The following CD33 variants were observed in gnomAD, a reference collection of about 807,000 sequenced individuals.
CD33 encodes myeloid cell surface antigen CD33.
In CD33, 25 loss-of-function variants were observed where a neutral mutation model predicts 31.4. That is an observed-to-expected ratio of 0.80 (90% CI 0.58 to 1.11). CD33 has a LOEUF of 1.11. Ranked by LOEUF, CD33 falls within the 50% of genes most tolerant of loss-of-function variation. CD33 has a pLI of 0.00. For synonymous variants in CD33, 176 were observed against 180.6 expected, an observed-to-expected ratio of 0.97 and a Z score of 0.20; for missense variants, 407 against 448.1, an observed-to-expected ratio of 0.91 and a Z score of 0.83.
upstream of CD33, among the ~76,000 whole-genome samples, chr19:51,222,059 C>A (rs1980710631): frequency 6.6e-6 from 1 of 152,174 alleles, no homozygotes; most frequent in Non-Finnish European, 1.5e-5. Flanking sequence ...TGGTTAATGA[C>A]ACTCTTCAGT....
At chr19:51,214,129 G>T in the CD33 span, among the ~76,000 whole-genome samples, 1 of 149,772 alleles carries the variant, frequency 6.7e-6, no homozygotes, top group Non-Finnish European at 1.5e-5. Flanking sequence ...CAAAGTGCTG[G>T]GATTACAGGC....
chr19:51,228,812 G>A (rs932875853), intron 4 of CD33, among the ~76,000 whole-genome samples: 1 of 152,168 alleles, frequency 6.6e-6, no homozygotes, highest in African/African-American at 2.4e-5. Flanking sequence ...GAGCCACCAC[G>A]CCTGGCCAAG....
intron 6 of CD33, chr19:51,236,148 ACT>A (rs1193265249): frequency 2.7e-6 from 1 of 368,254 alleles, no homozygotes; most frequent in Admixed American, 3.8e-5. Flanking sequence ...ACAGAGAGAG[ACT>A]CTGTCCCAAA....
chr19:51,238,067 G>A (rs1394430447), intron 6 of CD33: 1 of 152,208 alleles, frequency 6.6e-6, no homozygotes, highest in African/African-American at 2.4e-5. Context: ...GATGTCATAG[G>A]TGGGTCCACA....
upstream of CD33, among the ~76,000 whole-genome samples, chr19:51,221,868 C>A (rs1329202875): frequency 3.9e-5 from 6 of 152,176 alleles, no homozygotes; most frequent in Non-Finnish European, 8.8e-5. Flanking sequence ...CATGATTGAA[C>A]CTCAGAGGCA....
At chr19:51,219,369 T>A in the CD33 span, among the ~76,000 whole-genome samples, 2 of 152,246 alleles carry the variant, frequency 1.3e-5, no homozygotes, top group Middle Eastern at 3.2e-3. Flanking sequence ...TACATTGATT[T>A]TGTATCCTGA....
chr19:51,228,660 T>C (rs1981198489), intron 4 of CD33, among the ~76,000 whole-genome samples: 1 of 147,188 alleles, frequency 6.8e-6, no homozygotes, highest in African/African-American at 2.6e-5. Context: ...ATTGTTAGAG[T>C]CTTTAGGTTT....
the CD33 span, chr19:51,211,724 C>T: frequency 1.3e-6 from 1 of 786,082 alleles, no homozygotes; most frequent in Non-Finnish European, 2.1e-6. Flanking sequence ...CGGACCAGAA[C>T]CTGAGCTTCC....
At chr19:51,216,262 GTGTGTT>G in the CD33 span, among the ~76,000 whole-genome samples, 2 of 148,436 alleles carry the variant, frequency 1.3e-5, no homozygotes, top group Non-Finnish European at 3.0e-5. Flanking sequence ...GTGTGTGTGT[GTGTGTT>G]TCTTGTATGA....
rs1214941299 is a variant in CD33, at chr19:51,226,182, G to T, written c.697+101G>T. 2.6e-6 allele frequency: 4 copies of T among 1,532,132 alleles called. No individual in the cohort carries two copies. In the Admixed American group the frequency reaches 6.9e-5, roughly 26 times the overall value. 94.9% of individuals were successfully genotyped at this position (1,532,132 alleles called of 1,614,324 possible). A position where few individuals can be genotyped will look rare whatever the true frequency, so the allele number is the denominator to read the frequency against. ...GTGTCCTGGAGGCCTGGCTGAGTTC[G>T]GGAGCCAGAAGGACATGAGCCCTGT... On this transcript the variant is annotated intron_variant, in intron 3 of 6. Coordinates refer to ENST00000262262, the MANE Select transcript of CD33 (RefSeq NM_001772.4).
At chr19:51,215,859 G>A in the CD33 span, among the ~76,000 whole-genome samples, 1 of 152,128 alleles carries the variant, frequency 6.6e-6, no homozygotes, top group Non-Finnish European at 1.5e-5. Context: ...CTCCTCCCTG[G>A]TCACTGAACC....
At chr19:51,223,019 G>C (rs993479165), upstream of CD33, among the ~76,000 whole-genome samples, 7 of 152,078 alleles carry the variant, frequency 4.6e-5, no homozygotes, top group African/African-American at 1.4e-4. Context: ...TTCAAGATCA[G>C]CCTGGGGGAA....
At position 51,225,167 on chromosome 19, in the gene CD33, T is replaced by C. The variant is rs565510129; in HGVS notation, c.37+12T>C. 86 of 1,613,522 alleles carry C rather than the reference T, an allele frequency of 5.3e-5. No individual in the cohort carries two copies. The African/African-American group carries it at 7.5e-4, about 14-fold the overall frequency. On this transcript the variant is annotated intron_variant, in intron 1 of 6. Transcript: ENST00000262262. ...CCTGCTGTGGGCAGGTGAGTGGCTGTGGGGAGAGGGGTTGTCGGGCTGGGC... is the reference window on the plus strand; with the variant it reads ...CCTGCTGTGGGCAGGTGAGTGGCTGCGGGGAGAGGGGTTGTCGGGCTGGGC...
the CD33 span, among the ~76,000 whole-genome samples, chr19:51,215,408 G>A: frequency 6.6e-6 from 1 of 152,152 alleles, no homozygotes; most frequent in South Asian, 2.1e-4. Context: ...GCAGCGCACA[G>A]GGAGGTGAGT....
upstream of CD33, among the ~76,000 whole-genome samples, chr19:51,223,648 C>T (rs1980794997): frequency 6.6e-6 from 1 of 152,138 alleles, no homozygotes; most frequent in African/African-American, 2.4e-5. Context: ...TGCTTCTGCC[C>T]ACACTGAACC....
At chr19:51,228,246 C>T (rs1468423683) in intron 4 of CD33, among the ~76,000 whole-genome samples, 1 of 152,072 alleles carries the variant, frequency 6.6e-6, no homozygotes, top group East Asian at 1.9e-4. Context: ...ACCATTCAGG[C>T]TATTTTTAGT....
intron 4 of CD33, among the ~76,000 whole-genome samples, chr19:51,230,770 G>T (rs1981346062): frequency 6.6e-6 from 1 of 152,124 alleles, no homozygotes. Flanking sequence ...TAAGTTTCTT[G>T]TAAGCAGTAT....
At chr19:51,235,442 G>A in intron 5 of CD33, 153 bp from the exon 6 acceptor site, 1 of 1,375,982 alleles carries the variant, frequency 7.3e-7, no homozygotes, top group Non-Finnish European at 9.7e-7. Context: ...TCCAAGGAGT[G>A]GGAGGTAGAG....
rs373903734 is a variant in CD33, at chr19:51,226,375, G to T, written c.745+19G>T. The T allele has an allele frequency of 6.2e-6, 10 of 1,608,912 alleles. No individual in the cohort carries two copies. The Admixed American group carries it at 1.7e-4, about 27-fold the overall frequency. ...GGCTCAGGTAGGAAGGAGCCTCCCC[G>T]CCTGGGGCTGTTACTGACATTGAGT... On this transcript the variant is annotated intron_variant, in intron 4 of 6. Coordinates refer to ENST00000262262, the MANE Select transcript of CD33 (RefSeq NM_001772.4).
Sources: gnomAD v4.1 joint callset for allele counts (sites outside exome capture counted in the v4.1 genomes callset) on GRCh38, gnomAD v4.1.1 for gene constraint, MANE v1.5 for transcripts, NCBI Gene and HGNC (gene_info 2026-07-23, HGNC 2026-07-21) for gene names.